The following CBLB variants were observed in gnomAD, a reference collection of about 807,000 sequenced individuals.
CBLB encodes the protein E3 ubiquitin-protein ligase CBL-B.
CBLB carries 31 observed loss-of-function variants against 104.9 expected under a neutral mutation model. The observed-to-expected ratio is 0.30, with a 90% confidence interval of 0.22 to 0.40. The LOEUF (loss-of-function observed/expected upper bound fraction) is 0.40. CBLB is among the 10% of genes least tolerant of loss of function. The pLI, the probability that CBLB is intolerant of heterozygous loss-of-function variation, is 1.00. For missense variants in CBLB, 1,062 were observed against 1,214.6 expected (o/e 0.87, Z 1.87); for synonymous variants, 440 against 422.6 (o/e 1.04, Z -0.51).
At chr3:105,664,086 G>C (rs1208658527) in intron 18 of CBLB, among the ~76,000 whole-genome samples, 1 of 151,994 alleles carries the variant, frequency 6.6e-6, no homozygotes, top group East Asian at 1.9e-4. Flanking sequence ...TCTAAAGATT[G>C]GGTTGGGTTT....
chr3:105,787,072 T>C (rs2081118054), intron 3 of CBLB, among the ~76,000 whole-genome samples: 1 of 152,078 alleles, frequency 6.6e-6, no homozygotes, highest in Admixed American at 6.6e-5. Flanking sequence ...AAATGAAAAA[T>C]AAAAAGTAAT....
rs114854919 is a variant in CBLB, at chr3:105,766,395, C to A, written c.566+10001G>T. On this transcript the variant is annotated intron_variant, in intron 4 of 18. Coordinates refer to ENST00000394030, the MANE Select transcript of CBLB (RefSeq NM_170662.5). ...ACTGACTCCAATTTTGAATGAAACT[C>A]TATTGTGAGTAAAATATTATCAAAC... is the stretch of plus-strand genomic sequence containing the variant. Among the ~76,000 whole-genome samples, 302 of 152,222 alleles carry A rather than the reference C, an allele frequency of 2.0e-3. 2 individuals carry two copies. The highest frequency in any genetic ancestry group is 7.1e-3 in the African/African-American group (293 of 41,544).
chr3:105,677,350 T>TAA (rs59169680), intron 17 of CBLB, among the ~76,000 whole-genome samples: 2,385 of 108,726 alleles, frequency 0.022, 61 homozygotes, highest in African/African-American at 0.072. Flanking sequence ...TCAAACCAAG[T>TAA]AAAAAAAAAA....
At position 105,853,494 on chromosome 3, in the gene CBLB, G is replaced by A. The variant is rs138686213; in HGVS notation, c.339C>T (p.Ser113=). The A allele has an allele frequency of 1.1e-5, 17 of 1,612,814 alleles. No homozygotes were observed. The African/African-American group carries it at 1.2e-4, about 11-fold the overall frequency. Residue 113 remains serine (S), a synonymous_variant, in exon 3 of 19, where the codon AGC becomes AGT. Coordinates refer to ENST00000394030, the MANE Select transcript of CBLB (RefSeq NM_170662.5). ...ENEYFKIYID[S]LMKKSKRAIR... ...TTGCCCGTTTTGACTTTTTCATAAG[G>A]CTATCAATGTAGATTTTAAAGTACT...
At chr3:105,759,363 C>T (rs1056698413) in intron 4 of CBLB, among the ~76,000 whole-genome samples, 1 of 152,110 alleles carries the variant, frequency 6.6e-6, no homozygotes, top group Non-Finnish European at 1.5e-5. Flanking sequence ...ACTGACAGCC[C>T]GGCCCTGAGG....
chr3:105,840,852 G>C (rs1354003705), intron 3 of CBLB, among the ~76,000 whole-genome samples: 3 of 141,590 alleles, frequency 2.1e-5, no homozygotes, highest in Non-Finnish European at 4.6e-5. Context: ...AAGTTGAAAA[G>C]TGAATGAAGT....
chr3:105,683,534 T>C (rs565800301), intron 14 of CBLB, among the ~76,000 whole-genome samples: 1 of 140,698 alleles, frequency 7.1e-6, no homozygotes, highest in Non-Finnish European at 1.6e-5. Context: ...CGTATTAAAA[T>C]TATACTCCTC....
At chr3:105,834,158 G>C (rs2088040343) in intron 3 of CBLB, among the ~76,000 whole-genome samples, 1 of 107,880 alleles carries the variant, frequency 9.3e-6, no homozygotes, top group African/African-American at 3.4e-5. Flanking sequence ...TTAGACCGGA[G>C]ACATAAGTTC....
rs200499603 is a variant in CBLB at position 105,854,593 on chromosome 3, A to ATTTT, written c.169-933_169-930dup. 4.0e-3 allele frequency among the ~76,000 whole-genome samples: 583 copies of ATTTT among 145,420 alleles called. 3 individuals carry two copies. The highest frequency in any genetic ancestry group is 9.3e-3 in the African/African-American group (371 of 39,744). ...GGCTCTCTTCTAAGGCCCTCGTTGT[A>ATTTT]TTTTTTTTTTTTGTCAAATTGTCAA... On this transcript the variant is annotated intron_variant, in intron 2 of 18. Coordinates refer to ENST00000394030, the MANE Select transcript of CBLB (RefSeq NM_170662.5).
intron 9 of CBLB, 46 bp from the exon 10 acceptor site, chr3:105,720,296 A>G (rs1394152665): frequency 6.6e-7 from 1 of 1,513,246 alleles, no homozygotes; most frequent in Non-Finnish European, 9.1e-7. Context: ...CAAAATAAAC[A>G]GTACCGAGAA....
At chr3:105,792,050 A>G (rs1329517005) in intron 3 of CBLB, among the ~76,000 whole-genome samples, 2 of 152,300 alleles carry the variant, frequency 1.3e-5, no homozygotes, top group East Asian at 3.9e-4. Flanking sequence ...TGGTCCTTAG[A>G]CCATCAGCAT....
At position 105,853,275 on chromosome 3, in the gene CBLB, T is replaced by A. The variant is rs542497023; in HGVS notation, c.419+139A>T. 1.0e-4 allele frequency: 85 copies of A among 820,612 alleles called. No individual in the cohort carries two copies. The African/African-American group carries it at 1.3e-3, about 13-fold the overall frequency. 50.8% of individuals were successfully genotyped at this position (820,612 alleles called of 1,614,324 possible). Reference sequence around the variant, plus strand: ...ATGCATTTCTTGTAAAGTATCCCCATCGTTAAGTACCACATGACTATATAC... The same window carrying A: ...ATGCATTTCTTGTAAAGTATCCCCAACGTTAAGTACCACATGACTATATAC... On this transcript the variant is annotated intron_variant, in intron 3 of 18. Coordinates refer to ENST00000394030, the MANE Select transcript of CBLB (RefSeq NM_170662.5).
intron 10 of CBLB, among the ~76,000 whole-genome samples, chr3:105,707,783 T>C (rs1200375788): frequency 3.9e-5 from 6 of 152,074 alleles, no homozygotes; most frequent in African/African-American, 1.4e-4. Context: ...GGATGAGATA[T>C]TAAAAATTCA....
chr3:105,668,612 T>C (rs2064732425), intron 18 of CBLB, among the ~76,000 whole-genome samples: 1 of 152,356 alleles, frequency 6.6e-6, no homozygotes, highest in East Asian at 1.9e-4. Context: ...TTATTTTGAC[T>C]GGAATTACAG....
intron 6 of CBLB, among the ~76,000 whole-genome samples, chr3:105,744,267 G>T (rs2075897373): frequency 6.6e-6 from 1 of 152,116 alleles, no homozygotes. Context: ...GTTAAATTTT[G>T]TATGACTGCA....
At chr3:105,750,269 C>T (rs2076481093) in intron 5 of CBLB, among the ~76,000 whole-genome samples, 1 of 151,928 alleles carries the variant, frequency 6.6e-6, no homozygotes, top group East Asian at 1.9e-4. Flanking sequence ...ATAATGGGTT[C>T]CTTCATAAAT....
At position 105,691,791 on chromosome 3, in the gene CBLB, C is replaced by T. The variant is rs182780453; in HGVS notation, c.2054+1703G>A. Among the ~76,000 whole-genome samples, 25 of 152,272 alleles carry T rather than the reference C, an allele frequency of 1.6e-4. No homozygotes were observed. In the East Asian group the frequency reaches 3.1e-3, roughly 19 times the overall value. On this transcript the variant is annotated intron_variant, in intron 13 of 18. Transcript: ENST00000394030. ...GTTCCCACTGGAGAATGATCTAATT[C>T]GCTGAGTTTCCCACCGTCCCCTGAA...
intron 16 of CBLB, among the ~76,000 whole-genome samples, chr3:105,679,406 A>G (rs2066043366): frequency 6.6e-6 from 1 of 151,496 alleles, no homozygotes; most frequent in African/African-American, 2.4e-5. Context: ...GGAATGAGAC[A>G]GGGTATACAT....
chr3:105,786,444 G>T (rs147133835), intron 3 of CBLB, among the ~76,000 whole-genome samples: 1 of 152,194 alleles, frequency 6.6e-6, no homozygotes, highest in African/African-American at 2.4e-5. Flanking sequence ...TGGCAACCAC[G>T]CTGCTTCGGC....
Sources: allele counts gnomAD v4.1 joint callset (sites outside exome capture counted in the v4.1 genomes callset), GRCh38; gene constraint gnomAD v4.1.1; transcripts MANE v1.5; gene names NCBI Gene and HGNC (gene_info 2026-07-23, HGNC 2026-07-21).